The following CFAP47 variants were observed in gnomAD, a reference collection of about 807,000 sequenced individuals.
CFAP47 encodes the protein cilia and flagella associated protein 47.
A neutral mutation model predicts 148.1 loss-of-function variants in CFAP47; 29 were observed. That is an observed-to-expected ratio of 0.20 (90% confidence interval 0.15 to 0.27). CFAP47 has a LOEUF of 0.27. Among genes scored for constraint, CFAP47 ranks in the 10% least tolerant of loss-of-function variants. The pLI, the probability that CFAP47 is intolerant of heterozygous loss-of-function variation, is 1.00. For synonymous variants in CFAP47, 664 were observed against 577.3 expected (o/e 1.15, Z -2.15); for missense variants, 1,872 against 1,697.5 (o/e 1.10, Z -1.81).
At chrX:36,347,786 G>T (rs951906248) in intron 57 of CFAP47, among the ~76,000 whole-genome samples, 1 of 110,166 alleles carries the variant, frequency 9.1e-6, no homozygotes, top group Admixed American at 9.7e-5. Flanking sequence ...GTTGTGGGGT[G>T]GGGGGCTAGG....
At chrX:35,937,361 G>A (rs2878682) in intron 2 of CFAP47, among the ~76,000 whole-genome samples, 20,402 of 108,316 alleles carry the variant, frequency 0.19, 1,587 homozygotes, top group African/African-American at 0.28. Context: ...AACTAGGTCA[G>A]CGGGCAAAGA....
chrX:36,315,965 G>A (rs781820498), intron 56 of CFAP47, among the ~76,000 whole-genome samples: 2 of 111,416 alleles, frequency 1.8e-5, no homozygotes, highest in Non-Finnish European at 3.8e-5. Flanking sequence ...TGAAATTGGC[G>A]TTATATCTGT....
At chrX:35,952,404 C>T (rs1384968645) in intron 6 of CFAP47, among the ~76,000 whole-genome samples, 1 of 112,178 alleles carries the variant, frequency 8.9e-6, no homozygotes, top group Non-Finnish European at 1.9e-5. Context: ...AGGGATCAGT[C>T]AAACTTGTTT....
intron 55 of CFAP47, among the ~76,000 whole-genome samples, chrX:36,308,303 T>G (rs1476271311): frequency 9.0e-6 from 1 of 111,578 alleles, no homozygotes; most frequent in Non-Finnish European, 1.9e-5. Context: ...CCTTCCAACT[T>G]GTAGCAAATC....
intron 3 of CFAP47, among the ~76,000 whole-genome samples, chrX:35,944,738 A>G (rs1194574122): frequency 8.9e-6 from 1 of 111,839 alleles, no homozygotes; most frequent in African/African-American, 3.2e-5. Context: ...GTAACCATGT[A>G]TACTGCACCA....
At chrX:36,111,955 T>C (rs184939537) in intron 33 of CFAP47, among the ~76,000 whole-genome samples, 5 of 111,812 alleles carry the variant, frequency 4.5e-5, no homozygotes. Context: ...ACTGATACCC[T>C]TTGTAATTTC....
intron 51 of CFAP47, among the ~76,000 whole-genome samples, chrX:36,298,138 A>T (rs950912274): frequency 1.4e-4 from 14 of 102,552 alleles, no homozygotes; most frequent in Non-Finnish European, 2.6e-4. Context: ...TATTCACAAT[A>T]GCAAAGACTT....
chrX:36,372,202 A>T (rs995189655), intron 62 of CFAP47, among the ~76,000 whole-genome samples: 4 of 104,662 alleles, frequency 3.8e-5, no homozygotes, highest in Admixed American at 1.0e-4. Flanking sequence ...TACTTTCTTT[A>T]AAAAAAATGA....
intron 63 of CFAP47, among the ~76,000 whole-genome samples, chrX:36,382,558 T>C (rs1279392348): frequency 9.0e-6 from 1 of 111,622 alleles, no homozygotes; most frequent in Admixed American, 9.5e-5. Flanking sequence ...ACAGACCACA[T>C]TTGCTAATGG....
chrX:35,941,343 C>CAATAGT lies in CFAP47; in HGVS notation c.465_470dup (p.Asn155_Ser156dup). ...TAGTTAATTTTGGCACACTGGTTGC[C>CAATAGT]AATAGTAAAGTATATTCTAAAGAGA... On this transcript the variant is annotated inframe_insertion, in exon 3 of 64. Coordinates refer to ENST00000378653, the MANE Select transcript of CFAP47 (RefSeq NM_001304548.2). 1 of 1,173,169 alleles carries CAATAGT rather than the reference C, an allele frequency of 8.5e-7. No homozygotes were observed. Among genetic ancestry groups the CAATAGT allele is most frequent in the Non-Finnish European group, 1.1e-6 (1 of 875,930 alleles).
chrX:36,316,149 C>T (rs782174495), intron 56 of CFAP47, among the ~76,000 whole-genome samples: 1 of 111,816 alleles, frequency 8.9e-6, no homozygotes, highest in Non-Finnish European at 1.9e-5. Flanking sequence ...TAACTGTTCA[C>T]CTAGTTATAT....
chrX:35,960,445 G>C (rs971376678), intron 8 of CFAP47, among the ~76,000 whole-genome samples: 3 of 87,563 alleles, frequency 3.4e-5, no homozygotes, highest in African/African-American at 1.4e-4. Flanking sequence ...TGTTGAATTT[G>C]TAAGTCTATT....
At chrX:36,195,889 A>T (rs1939915066) in intron 42 of CFAP47, among the ~76,000 whole-genome samples, 1 of 111,870 alleles carries the variant, frequency 8.9e-6, no homozygotes, top group Non-Finnish European at 1.9e-5. Flanking sequence ...TGCCACAGTG[A>T]CTTCTAAAGT....
At position 36,228,532 on chromosome X, in the gene CFAP47, G is replaced by A. The variant is rs6653962; in HGVS notation, c.6818-96G>A. On this transcript the variant is annotated intron_variant, in intron 45 of 63. Transcript: ENST00000378653. ...AGTGAAACCTATTCTAGGTTATGCA[G>A]TACAATTTAATACAATAATATTAAA... 739 of 472,935 alleles carry A rather than the reference G, an allele frequency of 1.6e-3. 5 individuals carry two copies. The highest frequency in any genetic ancestry group is 0.015 in the African/African-American group (631 of 41,405). 39.0% of individuals were successfully genotyped at this position (472,935 alleles called of 1,213,427 possible).
At chrX:36,288,589 G>T (rs1556005007) in intron 51 of CFAP47, among the ~76,000 whole-genome samples, 1 of 111,987 alleles carries the variant, frequency 8.9e-6, no homozygotes, top group Non-Finnish European at 1.9e-5. Context: ...ATTTCTTTCT[G>T]AGCTTTTAAT....
intron 16 of CFAP47, among the ~76,000 whole-genome samples, chrX:35,990,498 T>A (rs935113628): frequency 9.0e-6 from 1 of 111,116 alleles, no homozygotes; most frequent in South Asian, 3.7e-4. Context: ...CTTAAGTAAT[T>A]CTGTGAATCC....
At chrX:36,289,166 A>G (rs782237120) in intron 51 of CFAP47, among the ~76,000 whole-genome samples, 2 of 108,531 alleles carry the variant, frequency 1.8e-5, no homozygotes, top group Non-Finnish European at 3.8e-5. Flanking sequence ...ATGGCCAGCT[A>G]ATTTTGTGTT....
At chrX:35,948,202 A>T in intron 3 of CFAP47, 112 bp from the exon 4 acceptor site, 1 of 634,953 alleles carries the variant, frequency 1.6e-6, no homozygotes, top group South Asian at 3.0e-5. Context: ...CCCATGGGCC[A>T]TGGGTTAGGC....
intron 42 of CFAP47, among the ~76,000 whole-genome samples, chrX:36,195,830 G>C (rs1555987154): frequency 9.0e-6 from 1 of 111,383 alleles, no homozygotes; most frequent in Non-Finnish European, 1.9e-5. Flanking sequence ...TGAGTGAAAT[G>C]GTTCTGAAAA....
Sources: allele counts gnomAD v4.1 joint callset (sites outside exome capture counted in the v4.1 genomes callset), GRCh38; gene constraint gnomAD v4.1.1; transcripts MANE v1.5; gene names NCBI Gene and HGNC (gene_info 2026-07-23, HGNC 2026-07-21).